The following SGCD variants were observed in gnomAD, a reference collection of about 807,000 sequenced individuals.
SGCD encodes delta-sarcoglycan.
SGCD carries 18 observed loss-of-function variants against 36.6 expected under a neutral mutation model. The ratio of observed to expected loss-of-function variants is 0.49; its 90% CI spans 0.34 to 0.73. The LOEUF is 0.73. Among genes scored for constraint, SGCD ranks in the 30% least tolerant of loss-of-function variants. The pLI is 0.01. For synonymous variants in SGCD, 133 were observed against 130.6 expected (o/e 1.02, Z -0.12); for missense variants, 387 against 346.7 (o/e 1.12, Z -0.92).
At chr5:156,141,850 G>T (rs1301878847) in intron 3 of SGCD, among the ~76,000 whole-genome samples, 1 of 152,162 alleles carries the variant, frequency 6.6e-6, no homozygotes, top group Non-Finnish European at 1.5e-5. Flanking sequence ...TCATATGCAA[G>T]GAAATAATCT....
chr5:155,882,468 C>T (rs1482804871), intron 1 of SGCD, among the ~76,000 whole-genome samples: 1 of 152,272 alleles, frequency 6.6e-6, no homozygotes, highest in South Asian at 2.1e-4. Flanking sequence ...GAATCACTAT[C>T]CATGGCAGCT....
At chr5:156,277,305 A>G (rs753070547) in intron 3 of SGCD, among the ~76,000 whole-genome samples, 3 of 152,060 alleles carry the variant, frequency 2.0e-5, no homozygotes, top group Non-Finnish European at 4.4e-5. Context: ...GCTATTATTA[A>G]TGGCAGGCTG....
chr5:156,578,250 C>A (rs1394620033), intron 4 of SGCD, among the ~76,000 whole-genome samples: 1 of 152,150 alleles, frequency 6.6e-6, no homozygotes, highest in East Asian at 1.9e-4. Flanking sequence ...AGCCTTGCAT[C>A]CCAGGAATGA....
the SGCD span, among the ~76,000 whole-genome samples, chr5:155,816,343 A>T: frequency 6.6e-6 from 1 of 152,174 alleles, no homozygotes; most frequent in Non-Finnish European, 1.5e-5. Context: ...TATTTTGTAT[A>T]ATATGTATTA....
In SGCD at chr5:156,032,426, GA is replaced by G. The variant is rs1201092790; in HGVS notation, c.-281-85451del. ...ATACATTGTCAATTGAAGGGTAAAAGAGTGTTTAATGGCCGGGCACAGTGGC... is the reference window on the plus strand; with the variant it reads ...ATACATTGTCAATTGAAGGGTAAAAGGTGTTTAATGGCCGGGCACAGTGGC... On this transcript the variant is annotated intron_variant, in intron 1 of 9. Transcript: ENST00000517913. 5.3e-5 allele frequency among the ~76,000 whole-genome samples: 8 copies of G among 151,914 alleles called. No individual in the cohort carries two copies. The South Asian group carries it at 1.7e-3, about 32-fold the overall frequency.
At chr5:156,673,929 C>T (rs75148527) in intron 7 of SGCD, among the ~76,000 whole-genome samples, 1 of 152,130 alleles carries the variant, frequency 6.6e-6, no homozygotes, top group South Asian at 2.1e-4. Flanking sequence ...GTGTTGACAC[C>T]TTCCTAACAT....
chr5:155,751,806 G>A, the SGCD span, among the ~76,000 whole-genome samples: 2 of 151,828 alleles, frequency 1.3e-5, no homozygotes, highest in African/African-American at 4.8e-5. Flanking sequence ...TTTAACTCAT[G>A]TGGTGCCATT....
Position 156,406,790 on chromosome 5 carries a change from TTATA to T in SGCD, c.192+62140_192+62143del, listed in dbSNP as rs200600544. ...AGAGGGACAGAACTAATAGGAGATTTTATATATATATATATATATATATATATAT... is the reference window on the plus strand; with the variant it reads ...AGAGGGACAGAACTAATAGGAGATTTTATATATATATATATATATATATAT... On this transcript the variant is annotated intron_variant, in intron 3 of 8. Transcript: ENST00000337851. 4.5e-4 allele frequency among the ~76,000 whole-genome samples: 34 copies of T among 75,662 alleles called. 2 individuals are homozygous for T. Among genetic ancestry groups the T allele is most frequent in the African/African-American group, 1.5e-3 (30 of 19,570 alleles). 49.6% of individuals were successfully genotyped at this position (75,662 alleles called of 152,430 possible). A position where few individuals can be genotyped will look rare whatever the true frequency, so the allele number is the denominator to read the frequency against.
chr5:156,671,177 A>T (rs1753273556), intron 7 of SGCD, among the ~76,000 whole-genome samples: 1 of 145,460 alleles, frequency 6.9e-6, no homozygotes, highest in Middle Eastern at 3.5e-3. Flanking sequence ...TTTCCACATT[A>T]AAAAAAAAAG....
intron 3 of SGCD, among the ~76,000 whole-genome samples, chr5:156,506,078 G>C (rs980560301): frequency 6.6e-6 from 1 of 152,028 alleles, no homozygotes; most frequent in African/African-American, 2.4e-5. Context: ...TTTCCTAGTA[G>C]GATATACTTT....
At chr5:156,602,354 T>C (rs1761231990) in intron 6 of SGCD, among the ~76,000 whole-genome samples, 1 of 152,094 alleles carries the variant, frequency 6.6e-6, no homozygotes. Context: ...ATTTTTTTTT[T>C]GGTGGAATCT....
At chr5:156,512,138 G>A (rs1756960011) in intron 4 of SGCD, among the ~76,000 whole-genome samples, 1 of 145,082 alleles carries the variant, frequency 6.9e-6, no homozygotes, top group South Asian at 2.2e-4. Context: ...AGCTTGCAGT[G>A]AGCTGAGATC....
At chr5:156,126,618 T>C (rs978845962) in intron 3 of SGCD, among the ~76,000 whole-genome samples, 3 of 152,160 alleles carry the variant, frequency 2.0e-5, no homozygotes, top group Admixed American at 6.5e-5. Context: ...AATGAGGCAG[T>C]GTTGGTACTA....
At chr5:155,897,123 A>G (rs918838800) in intron 1 of SGCD, among the ~76,000 whole-genome samples, 3 of 152,194 alleles carry the variant, frequency 2.0e-5, no homozygotes, top group African/African-American at 7.2e-5. Flanking sequence ...ATCACAGAGT[A>G]TACTGACATA....
rs1760151620 is a variant in SGCD, at chr5:156,579,559, A to T, written c.295-9672A>T. 2.0e-5 allele frequency among the ~76,000 whole-genome samples: 3 copies of T among 152,096 alleles called. No individual in the cohort carries two copies. The South Asian group carries it at 6.2e-4, about 32-fold the overall frequency. The stretch of plus-strand genomic sequence containing the variant: ...TGTGTGGGAGTCTAATTCTCTTTGT[A>T]GGTCTCTAAGGACTTGCTTTATGAA... On this transcript the variant is annotated intron_variant, in intron 4 of 8. Coordinates refer to ENST00000337851, the MANE Select transcript of SGCD (RefSeq NM_000337.6).
At chr5:156,403,693 T>A (rs1407787490) in intron 3 of SGCD, among the ~76,000 whole-genome samples, 1 of 152,188 alleles carries the variant, frequency 6.6e-6, no homozygotes, top group East Asian at 1.9e-4. Flanking sequence ...CCCCATTGCC[T>A]TATGAGGATT....
intron 1 of SGCD, among the ~76,000 whole-genome samples, chr5:156,083,253 T>C (rs1185095546): frequency 6.6e-6 from 1 of 152,040 alleles, no homozygotes. Context: ...TTCACAGAGC[T>C]GAAGTTTTAA....
At chr5:156,747,641 G>T (rs1177670779) in intron 7 of SGCD, among the ~76,000 whole-genome samples, 1 of 152,132 alleles carries the variant, frequency 6.6e-6, no homozygotes, top group African/African-American at 2.4e-5. Flanking sequence ...TTGAAAGAGT[G>T]AGAACAAGAG....
At chr5:156,243,091 G>C (rs1229179947) in intron 3 of SGCD, among the ~76,000 whole-genome samples, 2 of 152,180 alleles carry the variant, frequency 1.3e-5, no homozygotes, top group African/African-American at 4.8e-5. Context: ...TGCACAAAGG[G>C]GCAGCCTGGC....
Sources: allele counts gnomAD v4.1 joint callset (sites outside exome capture counted in the v4.1 genomes callset), GRCh38; gene constraint gnomAD v4.1.1; transcripts MANE v1.5; gene names NCBI Gene and HGNC (gene_info 2026-07-23, HGNC 2026-07-21).